The following LRP1B variants were observed in gnomAD, a reference collection of about 807,000 sequenced individuals.
The protein encoded by LRP1B is low-density lipoprotein receptor-related protein 1B.
A neutral mutation model predicts 556.6 loss-of-function variants in LRP1B; 217 were observed. The observed-to-expected ratio is 0.39, with a 90% CI of 0.35 to 0.44. The LOEUF is 0.44. Among genes scored for constraint, LRP1B ranks in the 20% least tolerant of loss-of-function variants. LRP1B has a pLI of 1.00. For synonymous variants in LRP1B, 2,047 were observed against 1,865.8 expected (o/e 1.10, Z -2.50); for missense variants, 5,053 against 5,620.8 (o/e 0.90, Z 3.23).
At chr2:141,915,528 C>G (rs2104961292) in intron 1 of LRP1B, among the ~76,000 whole-genome samples, 1 of 152,110 alleles carries the variant, frequency 6.6e-6, no homozygotes. Context: ...GCCTTGGGAA[C>G]AAATTTATGA....
chr2:141,813,727 C>G (rs1248980080), intron 1 of LRP1B, among the ~76,000 whole-genome samples: 1 of 152,122 alleles, frequency 6.6e-6, no homozygotes, highest in Non-Finnish European at 1.5e-5. Flanking sequence ...CAGCCAGCAG[C>G]TCAGTGGGTG....
chr2:140,959,592 GC>G (rs2105313024), intron 18 of LRP1B, among the ~76,000 whole-genome samples: 1 of 151,640 alleles, frequency 6.6e-6, no homozygotes, highest in South Asian at 2.1e-4. Flanking sequence ...ACTTAGAAAT[GC>G]CAAATAACAT....
intron 2 of LRP1B, among the ~76,000 whole-genome samples, chr2:141,561,950 T>C (rs374752314): frequency 6.6e-6 from 1 of 151,976 alleles, no homozygotes; most frequent in East Asian, 1.9e-4. Flanking sequence ...TATGTTTTAC[T>C]TACAAATTCA....
chr2:140,252,740 G>A (rs528932835), intron 86 of LRP1B, among the ~76,000 whole-genome samples: 2 of 152,124 alleles, frequency 1.3e-5, no homozygotes, highest in African/African-American at 4.8e-5. Context: ...GGTCAGCTGT[G>A]CCCAATAATC....
intron 2 of LRP1B, among the ~76,000 whole-genome samples, chr2:141,546,218 C>A (rs773101755): frequency 6.6e-6 from 1 of 152,118 alleles, no homozygotes; most frequent in African/African-American, 2.4e-5. Context: ...AACCCACTCA[C>A]GATAGACTCA....
chr2:140,266,449 C>G (rs1481154392), intron 86 of LRP1B, among the ~76,000 whole-genome samples: 1 of 151,894 alleles, frequency 6.6e-6, no homozygotes, highest in African/African-American at 2.4e-5. Context: ...GAGATAGTAC[C>G]CAAATAGTGG....
At chr2:141,440,749 G>A (rs1165639105) in intron 3 of LRP1B, among the ~76,000 whole-genome samples, 1 of 152,218 alleles carries the variant, frequency 6.6e-6, no homozygotes, top group Non-Finnish European at 1.5e-5. Context: ...ACGATGAAGA[G>A]AGTCATTTAA....
intron 18 of LRP1B, among the ~76,000 whole-genome samples, chr2:140,955,544 GGAAAA>G (rs66894003): frequency 0.028 from 4,229 of 151,570 alleles, 67 homozygotes; most frequent in African/African-American, 0.035. Flanking sequence ...ATTATAGAAA[GGAAAA>G]GAAAACTATA....
intron 2 of LRP1B, among the ~76,000 whole-genome samples, chr2:141,741,263 CTTTTTTTTT>C (rs11326947): frequency 6.9e-5 from 4 of 57,982 alleles, no homozygotes; most frequent in African/African-American, 1.5e-4. Flanking sequence ...TACTGATTTC[CTTTTTTTTT>C]TTTTTTTTTT....
At chr2:141,339,657 C>A (rs1459544622) in intron 3 of LRP1B, among the ~76,000 whole-genome samples, 1 of 152,122 alleles carries the variant, frequency 6.6e-6, no homozygotes, top group Non-Finnish European at 1.5e-5. Context: ...ACTGGCGAAA[C>A]CAGTCTCAGT....
At chr2:141,042,966 T>C (rs935607086) in intron 11 of LRP1B, among the ~76,000 whole-genome samples, 2 of 147,940 alleles carry the variant, frequency 1.4e-5, no homozygotes, top group African/African-American at 2.5e-5. Context: ...CTCAGGCAAG[T>C]GGATCACTTG....
chr2:141,093,776 G>A (rs142082606), intron 7 of LRP1B, among the ~76,000 whole-genome samples: 23 of 151,624 alleles, frequency 1.5e-4, no homozygotes, highest in Admixed American at 5.9e-4. Flanking sequence ...GTGCAGTGAC[G>A]CAATCTCTGC....
At chr2:141,184,925 AT>A (rs1268737067) in intron 7 of LRP1B, among the ~76,000 whole-genome samples, 2 of 151,810 alleles carry the variant, frequency 1.3e-5, no homozygotes, top group African/African-American at 4.8e-5. Flanking sequence ...AATAGATTTA[AT>A]CTGTATGAAA....
intron 24 of LRP1B, among the ~76,000 whole-genome samples, chr2:140,885,626 T>A (rs972634752): frequency 6.6e-6 from 1 of 152,044 alleles, no homozygotes; most frequent in African/African-American, 2.4e-5. Context: ...GCTGGGATTA[T>A]AGGTGTGAGC....
At chr2:142,072,074 C>G (rs1472138702) in intron 1 of LRP1B, among the ~76,000 whole-genome samples, 5 of 151,764 alleles carry the variant, frequency 3.3e-5, no homozygotes, top group African/African-American at 1.2e-4. Flanking sequence ...AACTCCACAC[C>G]CTAAGTATGC....
chr2:140,715,821 T>G, intron 37 of LRP1B, 152 bp downstream of exon 37: 1 of 514,432 alleles, frequency 1.9e-6, no homozygotes. Flanking sequence ...CTAAATTATA[T>G]GAACAAAGTG....
intron 1 of LRP1B, among the ~76,000 whole-genome samples, chr2:141,834,595 C>T (rs1697209007): frequency 6.6e-6 from 1 of 151,756 alleles, no homozygotes; most frequent in African/African-American, 2.4e-5. Context: ...TTATTGAAGG[C>T]AATGATATGA....
chr2:141,334,476 A>C (rs78531656), intron 3 of LRP1B, among the ~76,000 whole-genome samples: 4,842 of 152,300 alleles, frequency 0.032, 260 homozygotes, highest in African/African-American at 0.11. Context: ...AGTCACCTGA[A>C]CCTCTTTTCT....
intron 1 of LRP1B, among the ~76,000 whole-genome samples, chr2:142,071,149 G>C (rs1341444896): frequency 6.6e-6 from 1 of 151,794 alleles, no homozygotes; most frequent in Non-Finnish European, 1.5e-5. Context: ...TCAAGTACCT[G>C]TATTACTTTT....
Sources: allele counts gnomAD v4.1 joint callset (sites outside exome capture counted in the v4.1 genomes callset), GRCh38; gene constraint gnomAD v4.1.1; transcripts MANE v1.5; gene names NCBI Gene and HGNC (gene_info 2026-07-23, HGNC 2026-07-21).